MGAM: variants seen among roughly 807,000 people sequenced by gnomAD.
The protein encoded by MGAM is maltase-glucoamylase.
MGAM carries 253 observed loss-of-function variants against 358.8 expected under a neutral mutation model. The observed-to-expected ratio is 0.71, with a 90% CI of 0.64 to 0.78. The LOEUF (loss-of-function observed/expected upper bound fraction) is 0.78, where lower values mean the gene tolerates loss of function less well. Among genes scored for constraint, MGAM ranks in the 30% least tolerant of loss-of-function variants. MGAM has a pLI of 0.00. For missense variants in MGAM, 3,080 were observed against 3,432.6 expected, an observed-to-expected ratio of 0.90 and a Z score of 2.57; for synonymous variants, 1,105 against 1,227.1, an observed-to-expected ratio of 0.90 and a Z score of 2.08.
chr7:142,026,085 A>G (rs192302281), intron 8 of MGAM, among the ~76,000 whole-genome samples: 49 of 152,356 alleles, frequency 3.2e-4, no homozygotes, highest in Admixed American at 4.6e-4. Context: ...CAAAGAGTAC[A>G]TTGCAATATT....
chr7:142,027,072 A>C lies in MGAM; in HGVS notation c.983-43A>C, dbSNP rs1554461164. The C allele has an allele frequency of 2.1e-6, 3 of 1,430,992 alleles. No individual in the cohort carries two copies. In the East Asian group the frequency reaches 6.8e-5, roughly 33 times the overall value. The allele number at this position is 1,430,992 out of a possible 1,614,324, so 88.6% of individuals were successfully genotyped here. A position where few individuals can be genotyped will look rare whatever the true frequency, so the allele number is the denominator to read the frequency against. On this transcript the variant is annotated intron_variant, in intron 8 of 70. Coordinates refer to ENST00000475668, the MANE Select transcript of MGAM (RefSeq NM_001365693.1). Reference sequence around the variant, plus strand: ...TTAAAACTTGTAGTTACTATTCAAGAATCAATTCTGATTTTTATTTTCTTC... The same window carrying C: ...TTAAAACTTGTAGTTACTATTCAAGCATCAATTCTGATTTTTATTTTCTTC...
At chr7:142,035,186 T>C (rs553522146) in intron 16 of MGAM, among the ~76,000 whole-genome samples, 2 of 152,294 alleles carry the variant, frequency 1.3e-5, no homozygotes, top group African/African-American at 4.8e-5. Flanking sequence ...TGAAGAACTA[T>C]AACATTGCCA....
rs1350672290 is a variant in MGAM at position 142,085,778 on chromosome 7, A to G, written c.6508-55A>G. Reference sequence around the variant, plus strand: ...ATGGGTGGTGGAGGCTTGTTCTCCTATAAAGCTTGGGCGTGTACAGCAGCA... The same window carrying G: ...ATGGGTGGTGGAGGCTTGTTCTCCTGTAAAGCTTGGGCGTGTACAGCAGCA... On this transcript the variant is annotated intron_variant, in intron 54 of 70. Transcript: ENST00000475668. 4.9e-5 allele frequency: 75 copies of G among 1,528,666 alleles called. 3 individuals carry two copies. Among genetic ancestry groups the G allele is most frequent in the Non-Finnish European group, 6.4e-5 (71 of 1,117,002 alleles). 94.7% of individuals were successfully genotyped at this position (1,528,666 alleles called of 1,614,324 possible).
intron 49 of MGAM, among the ~76,000 whole-genome samples, chr7:142,079,268 G>A (rs1344489431): frequency 6.9e-6 from 1 of 145,656 alleles, no homozygotes; most frequent in South Asian, 2.2e-4. Context: ...GAGGCTGCCA[G>A]TTAGGCAGGT....
At chr7:142,015,915 T>G (rs903215231) in intron 3 of MGAM, among the ~76,000 whole-genome samples, 1 of 151,494 alleles carries the variant, frequency 6.6e-6, no homozygotes, top group Non-Finnish European at 1.5e-5. Context: ...TTAAAATGAG[T>G]TTTTTTTAAT....
chr7:142,103,428 C>T lies in MGAM; in HGVS notation c.8173C>T (p.Pro2725Ser). ...CATAACACCCTCCTTCAACAATGAC[C>T]CCACGACACAGGTTTGTGACCAGCA... ...MVITPSFNND[P>S]TTQVLSIDVT... The change falls in exon 70 of 71, where the codon CCC (proline) becomes TCC (serine). Residue 2725 changes from proline to serine, a missense_variant. Physicochemically the swap from Pro to Ser is moderately conservative, Grantham distance 74 (BLOSUM62 -1). Coordinates refer to ENST00000475668, the MANE Select transcript of MGAM (RefSeq NM_001365693.1). 2 of 1,604,042 alleles carry T rather than the reference C, an allele frequency of 1.2e-6. No homozygotes were observed. Among genetic ancestry groups the T allele is most frequent in the Non-Finnish European group, 8.5e-7 (1 of 1,176,114 alleles).
In MGAM at chr7:142,080,707, T is replaced by TG. The variant is rs200016741; in HGVS notation, c.5848-84_5848-83insG. The TG allele has an allele frequency of 2.3e-4, 290 of 1,237,708 alleles. 19 individuals carry two copies. The East Asian group carries it at 5.2e-3, about 22-fold the overall frequency. The allele number at this position is 1,237,708 out of a possible 1,614,324, so 76.7% of individuals were successfully genotyped here. On this transcript the variant is annotated intron_variant, in intron 49 of 70. Transcript: ENST00000475668. The stretch of plus-strand genomic sequence containing the variant: ...AGACAGAAACATAGCATCTGAACTT[T>TG]TGTCCAAAAATCAAAAAGGTTCTGC...
chr7:142,100,915 A>G (rs1260787582), intron 68 of MGAM, 25 bp downstream of exon 68: 1 of 1,596,436 alleles, frequency 6.3e-7, no homozygotes, highest in African/African-American at 1.3e-5. Flanking sequence ...CCTGAGATTC[A>G]TGCTGATGGC....
chr7:142,052,597 C>T (rs1811103573), intron 25 of MGAM, among the ~76,000 whole-genome samples, 151 bp downstream of exon 25: 1 of 152,130 alleles, frequency 6.6e-6, no homozygotes, highest in Non-Finnish European at 1.5e-5. Flanking sequence ...TAGGTGGGGA[C>T]ATGTGCGAAA....
intron 21 of MGAM, among the ~76,000 whole-genome samples, chr7:142,045,436 A>G (rs1257119976): frequency 4.5e-5 from 5 of 111,774 alleles, no homozygotes; most frequent in African/African-American, 1.9e-4. Context: ...TACATGATAT[A>G]TTATATATAC....
intron 42 of MGAM, among the ~76,000 whole-genome samples, chr7:142,068,119 T>G (rs1257742719): frequency 8.0e-6 from 1 of 125,324 alleles, no homozygotes; most frequent in Non-Finnish European, 1.8e-5. Flanking sequence ...CTTGAGTAGC[T>G]GAGACTACAG....
At chr7:142,088,437 C>CTATGTATG (rs75555022) in intron 57 of MGAM, among the ~76,000 whole-genome samples, 37,596 of 139,600 alleles carry the variant, frequency 0.27, 8,988 homozygotes, top group Middle Eastern at 0.46. Flanking sequence ...ATGTACCCAT[C>CTATGTATG]TATGTATGTA....
chr7:142,064,650 T>C (rs1331814047), intron 37 of MGAM, 128 bp downstream of exon 37: 13 of 1,309,790 alleles, frequency 9.9e-6, no homozygotes, highest in Non-Finnish European at 1.2e-5. Context: ...TCTGTAATGA[T>C]TCTTATTTAT....
In MGAM at chr7:142,063,506, A is replaced by G. The variant is rs746207317; in HGVS notation, c.4265A>G (p.Asn1422Ser). The change falls in exon 36 of 71, where the codon AAT becomes AGT. Residue 1422 changes from asparagine to serine, a missense_variant. Asn to Ser is a conservative substitution (Grantham distance 46). Coordinates refer to ENST00000475668, the MANE Select transcript of MGAM (RefSeq NM_001365693.1). ...LKFDGMWIDMNEPSSFVNGAV... is the reference protein window; with the variant it reads ...LKFDGMWIDMSEPSSFVNGAV... ...TGTGTTTGGCATTTCTAGGATATGA[A>G]TGAACCATCAAGCTTCGTGAATGGG... 3 of 1,613,550 alleles carry G rather than the reference A, an allele frequency of 1.9e-6. No individual in the cohort carries two copies. The highest frequency in any genetic ancestry group is 1.1e-5 in the South Asian group (1 of 90,956).
At chr7:142,072,021 T>C (rs1813386092) in intron 44 of MGAM, among the ~76,000 whole-genome samples, 2 of 146,194 alleles carry the variant, frequency 1.4e-5, no homozygotes, top group South Asian at 2.2e-4. Flanking sequence ...TTTATGATAC[T>C]AATGGGAAAT....
intron 2 of MGAM, 32 bp from the exon 3 acceptor site, chr7:142,008,474 T>C: frequency 6.4e-7 from 1 of 1,568,398 alleles, no homozygotes; most frequent in Non-Finnish European, 8.6e-7. Flanking sequence ...TAAATTTGTC[T>C]AATGGTCTTT....
In MGAM at chr7:142,005,716, C is replaced by T; in HGVS notation, c.127+59C>T. On this transcript the variant is annotated intron_variant, in intron 2 of 70. Transcript: ENST00000475668. ...TGTTTTTATTAGAGCAAACCTTCAA[C>T]AATGTCAGGAAAGTAATGCTTTCAT... is the stretch of plus-strand genomic sequence containing the variant. 5 of 1,499,372 alleles carry T rather than the reference C, an allele frequency of 3.3e-6. No homozygotes were observed. In the Admixed American group the frequency reaches 6.1e-5, roughly 18 times the overall value. 92.9% of individuals were successfully genotyped at this position (1,499,372 alleles called of 1,614,324 possible).
In MGAM at chr7:142,076,435, G is replaced by A; in HGVS notation, c.5325+183G>A. ...AGGAGGCATTAATATAGCAAGTAGT[G>A]TTTCTAAATATAGTTTTTAATTATC... is the stretch of plus-strand genomic sequence containing the variant. On this transcript the variant is annotated intron_variant, in intron 46 of 70. Transcript: ENST00000475668. 4.6e-6 allele frequency: 4 copies of A among 864,490 alleles called. 1 individual carries two copies. The highest frequency in any genetic ancestry group is 1.6e-5 in the African/African-American group (1 of 61,060). The allele number at this position is 864,490 out of a possible 1,614,324, so 53.6% of individuals were successfully genotyped here.
rs62650367 is a variant in MGAM, at chr7:142,044,117, A to G, written c.2498+3271A>G. Among the ~76,000 whole-genome samples the G allele has an allele frequency of 2.6e-3, 342 of 129,170 alleles. 42 individuals carry two copies. The highest frequency in any genetic ancestry group is 3.9e-3 in the Non-Finnish European group (220 of 56,262). The allele number at this position is 129,170 out of a possible 152,430, so 84.7% of individuals were successfully genotyped here. A position where few individuals can be genotyped will look rare whatever the true frequency, so the allele number is the denominator to read the frequency against. On this transcript the variant is annotated intron_variant, in intron 21 of 70. Transcript: ENST00000475668. ...GACGTATAATATATACATTATATAC[A>G]CATACGACGTATAATATGTACATTA...
Sources: gnomAD v4.1 joint callset for allele counts (sites outside exome capture counted in the v4.1 genomes callset) on GRCh38, gnomAD v4.1.1 for gene constraint, MANE v1.5 for transcripts, NCBI Gene and HGNC (gene_info 2026-07-23, HGNC 2026-07-21) for gene names.